The following PNO1 variants were observed in gnomAD, a reference collection of about 807,000 sequenced individuals.
PNO1 encodes RNA-binding protein PNO1.
A neutral mutation model predicts 28.4 loss-of-function variants in PNO1; 16 were observed. That is an observed-to-expected ratio of 0.56 (90% CI 0.38 to 0.85). The LOEUF (loss-of-function observed/expected upper bound fraction) is 0.85, where lower values mean the gene tolerates loss of function less well. Ranked by LOEUF, PNO1 falls within the 40% of genes least tolerant of loss-of-function variation. The pLI, the probability that PNO1 is intolerant of heterozygous loss-of-function variation, is 0.00. For synonymous variants in PNO1, 115 were observed against 110.8 expected, an observed-to-expected ratio of 1.04 and a Z score of -0.24; for missense variants, 304 against 312.2, an observed-to-expected ratio of 0.97 and a Z score of 0.20.
Position 68,175,073 on chromosome 2 carries a change from C to T in PNO1, c.*271C>T. 1 of 319,576 alleles carries T rather than the reference C, an allele frequency of 3.1e-6. No individual in the cohort carries two copies. Among genetic ancestry groups the T allele is most frequent in the Non-Finnish European group, 5.8e-6 (1 of 173,308 alleles). The allele number at this position is 319,576 out of a possible 1,614,324, so 19.8% of individuals were successfully genotyped here. On this transcript the variant is annotated 3_prime_UTR_variant, in exon 7 of 7. Transcript: ENST00000263657. ...ATCTGAAATCACATGTAGCAGATTG[C>T]ATAGTCTGTAATCCTCTCAGAGGGA...
intron 5 of PNO1, among the ~76,000 whole-genome samples, chr2:68,168,921 CTTTTTTTTTTT>C (rs57701897): frequency 4.1e-5 from 3 of 72,486 alleles, no homozygotes; most frequent in Non-Finnish European, 4.7e-5. Context: ...CAGCTTTTTT[CTTTTTTTTTTT>C]TTTTTTTTTT....
chr2:68,161,221 C>T (rs751009499), intron 2 of PNO1: 22 of 471,114 alleles, frequency 4.7e-5, no homozygotes, highest in Non-Finnish European at 9.7e-5. Context: ...TCAGTGCATG[C>T]AGGTAGTTAG....
At chr2:68,163,379 A>AT in intron 5 of PNO1, among the ~76,000 whole-genome samples, 1 of 152,200 alleles carries the variant, frequency 6.6e-6, no homozygotes. Flanking sequence ...TAAAAATACA[A>AT]AAATTAGCCG....
chr2:68,161,617 A>G (rs1169644985), intron 2 of PNO1, 66 bp from the exon 3 acceptor site: 3 of 980,246 alleles, frequency 3.1e-6, no homozygotes, highest in Non-Finnish European at 3.3e-6. Flanking sequence ...CATTTCCAGT[A>G]TTTTGTTAGG....
rs751497129 is a variant in PNO1, at chr2:68,157,920, T to C, written c.-15T>C. ...CGCACGTGTTTCAGCCGGCAGCGCT[T>C]TAAGATTTCCGGGGATGGAATCCGA... On this transcript the variant is annotated 5_prime_UTR_variant, in exon 1 of 7. Coordinates refer to ENST00000263657, the MANE Select transcript of PNO1 (RefSeq NM_020143.4). The C allele has an allele frequency of 3.7e-6, 6 of 1,612,578 alleles. No individual in the cohort carries two copies. In the South Asian group the frequency reaches 6.6e-5, roughly 18 times the overall value.
intron 1 of PNO1, 30 bp from the exon 2 acceptor site, chr2:68,158,347 AGCC>A (rs1441379012): frequency 1.3e-6 from 2 of 1,590,162 alleles, no homozygotes; most frequent in Non-Finnish European, 1.7e-6. Context: ...GTCCCTCCAT[AGCC>A]TTCTGAGTTG....
At chr2:68,162,149 A>G in intron 3 of PNO1, 116 bp from the exon 4 acceptor site, 1 of 799,962 alleles carries the variant, frequency 1.3e-6, no homozygotes, top group South Asian at 1.7e-5. Context: ...CAAGGGAAAA[A>G]AAAAAGCTTT....
At chr2:68,174,632 C>A in intron 6 of PNO1, 103 bp from the exon 7 acceptor site, 2 of 675,968 alleles carry the variant, frequency 3.0e-6, no homozygotes, top group South Asian at 1.9e-5. Flanking sequence ...ATTGTGGTGT[C>A]TGTGGGAGTC....
chr2:68,160,260 C>G (rs549912080), intron 2 of PNO1, among the ~76,000 whole-genome samples: 3 of 152,242 alleles, frequency 2.0e-5, no homozygotes, highest in African/African-American at 7.2e-5. Context: ...TGAGCATCTT[C>G]AACATTTCTA....
chr2:68,162,403 A>G (rs1222489085), intron 4 of PNO1, 78 bp downstream of exon 4: 15 of 1,175,528 alleles, frequency 1.3e-5, no homozygotes, highest in African/African-American at 3.1e-5. Context: ...AATAGCATCA[A>G]TTGAGCTGTA....
chr2:68,168,962 T>C (rs1213133031), intron 5 of PNO1, among the ~76,000 whole-genome samples: 1 of 127,498 alleles, frequency 7.8e-6, no homozygotes, highest in African/African-American at 2.8e-5. Flanking sequence ...GGAGTCTCCC[T>C]CTATCGCCAA....
At chr2:68,171,537 A>G (rs1375470477) in intron 5 of PNO1, among the ~76,000 whole-genome samples, 1 of 152,136 alleles carries the variant, frequency 6.6e-6, no homozygotes, top group African/African-American at 2.4e-5. Flanking sequence ...TTGGGCTTAC[A>G]TCTTTCCTGT....
rs72832004 is a variant in PNO1 at position 68,169,162 on chromosome 2, C to T, written c.621-4185C>T. 7.6e-3 allele frequency among the ~76,000 whole-genome samples: 1,157 copies of T among 152,064 alleles called. 4 individuals are homozygous for T. Among genetic ancestry groups the T allele is most frequent in the Non-Finnish European group, 0.012 (809 of 67,974 alleles). On this transcript the variant is annotated intron_variant, in intron 5 of 6. Transcript: ENST00000263657. ...GGCAGGATGGTCTCAATCTCGTGAC[C>T]TCGCAGTCCACCCGCCTCGGGCTCC...
At chr2:68,160,321 C>T (rs904984025) in intron 2 of PNO1, among the ~76,000 whole-genome samples, 20 of 152,172 alleles carry the variant, frequency 1.3e-4, no homozygotes, top group African/African-American at 4.8e-4. Context: ...GACTCAGTCA[C>T]AAGTTTGTCT....
intron 5 of PNO1, among the ~76,000 whole-genome samples, chr2:68,171,585 G>C (rs1213927367): frequency 6.6e-6 from 1 of 152,174 alleles, no homozygotes; most frequent in Non-Finnish European, 1.5e-5. Context: ...ATTTGTAAAT[G>C]TTTGTTTTGT....
intron 6 of PNO1, among the ~76,000 whole-genome samples, chr2:68,174,096 A>G (rs1674205678): frequency 6.6e-6 from 1 of 152,174 alleles, no homozygotes; most frequent in South Asian, 2.1e-4. Context: ...CATTTTCTTG[A>G]TCCTGCAGCA....
intron 1 of PNO1, 35 bp from the exon 2 acceptor site, chr2:68,158,345 A>G (rs370276547): frequency 1.2e-4 from 184 of 1,589,494 alleles, no homozygotes; most frequent in Middle Eastern, 5.1e-4. Flanking sequence ...CCGTCCCTCC[A>G]TAGCCTTCTG....
chr2:68,163,540 A>AATACATACATACATACATACATAC (rs543846420), intron 5 of PNO1, among the ~76,000 whole-genome samples: 1 of 136,072 alleles, frequency 7.3e-6, no homozygotes, highest in African/African-American at 2.7e-5. Context: ...CAAATAAATA[A>AATACATACATACATACATACATAC]ATACATACAT....
Position 68,168,705 on chromosome 2 carries a change from G to A in PNO1, c.621-4642G>A, listed in dbSNP as rs138024824. On this transcript the variant is annotated intron_variant, in intron 5 of 6. Transcript: ENST00000263657. ...ACAGTCTGTTCTGTCTTGCCTGGGC[G>A]CCTAGGGGCTTTATTTTTATTTTAT... Among the ~76,000 whole-genome samples the A allele has an allele frequency of 1.3e-3, 199 of 152,186 alleles. 1 individual carries two copies. Among genetic ancestry groups the A allele is most frequent in the Admixed American group, 0.011 (174 of 15,290 alleles).
Sources: allele counts gnomAD v4.1 joint callset (sites outside exome capture counted in the v4.1 genomes callset), GRCh38; gene constraint gnomAD v4.1.1; transcripts MANE v1.5; gene names NCBI Gene and HGNC (gene_info 2026-07-23, HGNC 2026-07-21).